RARS1: variants seen among roughly 807,000 people sequenced by gnomAD.
The protein encoded by RARS1 is arginine--tRNA ligase, cytoplasmic.
In RARS1, 75 loss-of-function variants were observed where a neutral mutation model predicts 78.7. The observed-to-expected ratio is 0.95, with a 90% CI of 0.79 to 1.15. The LOEUF is 1.15. Ranked by LOEUF, RARS1 falls within the 50% of genes most tolerant of loss-of-function variation. The pLI is 0.00. For synonymous variants in RARS1, 273 were observed against 268.2 expected (o/e 1.02, Z -0.18); for missense variants, 787 against 787.5 (o/e 1.00, Z 0.01).
intron 12 of RARS1, among the ~76,000 whole-genome samples, chr5:168,514,178 G>A (rs1758620228): frequency 6.6e-6 from 1 of 152,080 alleles, no homozygotes; most frequent in Admixed American, 6.6e-5. Context: ...ACTAAGAAAT[G>A]CCTAAGTGTG....
At position 168,497,362 on chromosome 5, in the gene RARS1, T is replaced by A; in HGVS notation, c.822+14T>A. On this transcript the variant is annotated intron_variant, in intron 7 of 14. Coordinates refer to ENST00000231572, the MANE Select transcript of RARS1 (RefSeq NM_002887.4). Reference sequence around the variant, plus strand: ...GTCTTTTATAAGGTTTGATACCATTTCTTTTATATTATGTGTGTGTTTACC... The same window carrying A: ...GTCTTTTATAAGGTTTGATACCATTACTTTTATATTATGTGTGTGTTTACC... The A allele has an allele frequency of 6.5e-7, 1 of 1,528,602 alleles. No homozygotes were observed. The highest frequency in any genetic ancestry group is 8.8e-7 in the Non-Finnish European group (1 of 1,132,538). The allele number at this position is 1,528,602 out of a possible 1,614,324, so 94.7% of individuals were successfully genotyped here.
intron 7 of RARS1, among the ~76,000 whole-genome samples, 177 bp from the exon 8 acceptor site, chr5:168,500,414 A>T (rs1324103227): frequency 1.3e-5 from 2 of 152,100 alleles, no homozygotes; most frequent in Admixed American, 1.3e-4. Context: ...ATGATTTCAA[A>T]GTTCTTTGGC....
rs1355052730 is a variant in RARS1, at chr5:168,492,848, G to T, written c.369+1G>T. The T allele has an allele frequency of 5.7e-6, 9 of 1,592,574 alleles. No individual in the cohort carries two copies. The highest frequency in any genetic ancestry group is 1.1e-5 in the South Asian group (1 of 90,134). ...TAATAGTGCTATGGGTATTTCTCAG[G>T]TGATGTATTGTCATGACTCTTGGCT... is the stretch of plus-strand genomic sequence containing the variant. On this transcript the variant is annotated splice_donor_variant, in intron 3 of 14. Transcript: ENST00000231572. LOFTEE classifies it high-confidence loss of function.
chr5:168,500,565 A>T (rs1453815571), intron 7 of RARS1, 26 bp from the exon 8 acceptor site: 40 of 1,427,664 alleles, frequency 2.8e-5, no homozygotes, highest in Non-Finnish European at 3.5e-5. Context: ...TACACACCTT[A>T]CTTTTTAAAA....
intron 9 of RARS1, among the ~76,000 whole-genome samples, chr5:168,505,332 A>G (rs1758413884): frequency 6.6e-6 from 1 of 152,204 alleles, no homozygotes; most frequent in African/African-American, 2.4e-5. Context: ...CTTGCATCCA[A>G]GAATTCTGTC....
intron 11 of RARS1, among the ~76,000 whole-genome samples, chr5:168,510,374 AG>A (rs1758540361): frequency 6.6e-6 from 1 of 152,192 alleles, no homozygotes; most frequent in Non-Finnish European, 1.5e-5. Context: ...TGTTTCATGT[AG>A]TACTCTCCTT....
At position 168,517,978 on chromosome 5, in the gene RARS1, C is replaced by G. The variant is rs780950766; in HGVS notation, c.1789C>G (p.Leu597Val). 41 of 1,607,882 alleles carry G rather than the reference C, an allele frequency of 2.5e-5. No individual in the cohort carries two copies. Among genetic ancestry groups the G allele is most frequent in the Non-Finnish European group, 3.3e-5 (39 of 1,177,476 alleles). Residue 597 changes from leucine to valine, a missense_variant, in exon 14 of 15, where the codon CTC becomes GTC. Coordinates refer to ENST00000231572, the MANE Select transcript of RARS1 (RefSeq NM_002887.4). ...TTTAGATGACTTATTTCTCCACACT[C>G]TCTGTGATTATATATATGAGCTGGC... ...KILDDLFLHT[L>V]CDYIYELATA...
At chr5:168,508,425 G>T (rs1758492932) in intron 11 of RARS1, among the ~76,000 whole-genome samples, 1 of 151,460 alleles carries the variant, frequency 6.6e-6, no homozygotes, top group Non-Finnish European at 1.5e-5. Context: ...TTTGAGACCA[G>T]CCTGGCCAAC....
At chr5:168,486,637 A>G (rs1320544919) in intron 1 of RARS1, 94 bp downstream of exon 1, 36 of 1,351,272 alleles carry the variant, frequency 2.7e-5, no homozygotes, top group Non-Finnish European at 3.6e-5. Flanking sequence ...CAGCTAGGCG[A>G]GGACCATCCT....
In RARS1 at chr5:168,500,717, C is replaced by T. The variant is rs1758302355; in HGVS notation, c.949C>T (p.Gln317Ter). The T allele has an allele frequency of 3.1e-6, 5 of 1,609,730 alleles. No homozygotes were observed. The highest frequency in any genetic ancestry group is 1.3e-5 in the African/African-American group (1 of 74,540). Reference sequence around the variant, plus strand: ...GAAGCTTATCTGTGATGTCTCCCGCCAAGGTGAGTTTCTGGGCTTTGTTCC... The same window carrying T: ...GAAGCTTATCTGTGATGTCTCCCGCTAAGGTGAGTTTCTGGGCTTTGTTCC... ...AWKLICDVSR[Q>*]ELNKIYDALD... is the part of the protein sequence containing the mutation. Residue 317 changes from glutamine to a stop codon, truncating the protein, a stop_gained, in exon 8 of 15, where the codon CAA becomes TAA. Transcript: ENST00000231572. LOFTEE classifies it high-confidence loss of function.
chr5:168,488,240 G>A (rs1197286425), intron 1 of RARS1: 1 of 366,340 alleles, frequency 2.7e-6, no homozygotes, highest in East Asian at 9.4e-5. Context: ...CAATTCTCCT[G>A]CCTCAGCCTC....
chr5:168,500,866 C>A, intron 8 of RARS1, 146 bp downstream of exon 8: 1 of 1,076,730 alleles, frequency 9.3e-7, no homozygotes. Context: ...TCTGAAACAA[C>A]CAATAAATTT....
intron 9 of RARS1, among the ~76,000 whole-genome samples, chr5:168,503,699 C>T (rs567321231): frequency 6.0e-4 from 92 of 152,114 alleles, no homozygotes; most frequent in African/African-American, 2.1e-3. Flanking sequence ...TCAACCATAT[C>T]TCTATGGAAG....
chr5:168,491,185 C>G (rs949499499), intron 2 of RARS1, among the ~76,000 whole-genome samples: 1 of 152,114 alleles, frequency 6.6e-6, no homozygotes, highest in Non-Finnish European at 1.5e-5. Flanking sequence ...TTTATTATAG[C>G]AGGTTTTGGG....
At chr5:168,511,406 A>G (rs1016805240) in intron 12 of RARS1, among the ~76,000 whole-genome samples, 7 of 152,032 alleles carry the variant, frequency 4.6e-5, no homozygotes, top group African/African-American at 1.2e-4. Flanking sequence ...TGGCTAAAGC[A>G]GGAGCAAGAG....
intron 9 of RARS1, among the ~76,000 whole-genome samples, chr5:168,502,384 A>ATATATATATATATATTTTTT (rs1280220276): frequency 7.9e-6 from 1 of 127,248 alleles, no homozygotes; most frequent in Non-Finnish European, 1.6e-5. Flanking sequence ...ATATATATAT[A>ATATATATATATATATTTTTT]TTTTTTTTTT....
At chr5:168,486,836 C>T (rs1757974817) in intron 1 of RARS1, among the ~76,000 whole-genome samples, 1 of 152,146 alleles carries the variant, frequency 6.6e-6, no homozygotes, top group Non-Finnish European at 1.5e-5. Flanking sequence ...ACAGTTCTCT[C>T]CCTACAATCC....
rs2290631 is a variant in RARS1 at position 168,510,919 on chromosome 5, G to A, written c.1452+233G>A. Among the ~76,000 whole-genome samples the A allele has an allele frequency of 0.13, 19,823 of 152,238 alleles. 1,721 individuals carry two copies. The highest frequency in any genetic ancestry group is 0.19 in the Non-Finnish European group (13,046 of 68,000). On this transcript the variant is annotated intron_variant, in intron 12 of 14. Coordinates refer to ENST00000231572, the MANE Select transcript of RARS1 (RefSeq NM_002887.4). ...CTTGGCTTTTTCCTCCTTTGTTAAT[G>A]TAGCTTAGTATCCGTGCTGCTTAAC...
rs1461721604 is a variant in RARS1, at chr5:168,510,959, A to ATGGG, written c.1452+274_1452+277dup. 7.9e-5 allele frequency among the ~76,000 whole-genome samples: 12 copies of ATGGG among 152,308 alleles called. No homozygotes were observed. In the East Asian group the frequency reaches 1.9e-3, roughly 25 times the overall value. On this transcript the variant is annotated intron_variant, in intron 12 of 14. Transcript: ENST00000231572. ...TGCTGCTTAACAGCAGTTCCCAAAG[A>ATGGG]TGGGAGAATATTGCAGACTGAAGGG...
Sources: gnomAD v4.1 joint callset for allele counts (sites outside exome capture counted in the v4.1 genomes callset) on GRCh38, gnomAD v4.1.1 for gene constraint, MANE v1.5 for transcripts, NCBI Gene and HGNC (gene_info 2026-07-23, HGNC 2026-07-21) for gene names.